Variants in SCHIP1 observed in about 807,000 individuals in gnomAD.
SCHIP1 encodes schwannomin interacting protein 1.
Under a neutral mutation model 29.7 loss-of-function variants are expected in SCHIP1, and 8 were observed. The observed-to-expected ratio is 0.27, with a 90% CI of 0.16 to 0.49. The LOEUF (loss-of-function observed/expected upper bound fraction) is 0.49. Ranked by LOEUF, SCHIP1 falls within the 20% of genes least tolerant of loss-of-function variation. SCHIP1 has a pLI of 0.99. For missense variants in SCHIP1, 193 were observed against 294.6 expected (o/e 0.66, Z 2.52); for synonymous variants, 76 against 94.9 (o/e 0.80, Z 1.16).
chr3:159,539,578 T>C, the SCHIP1 span, among the ~76,000 whole-genome samples: 18 of 135,340 alleles, frequency 1.3e-4, 3 homozygotes, highest in East Asian at 2.0e-3. Flanking sequence ...TTCACCACAA[T>C]GGCAGATCCT....
chr3:159,570,749 T>TC, the SCHIP1 span, among the ~76,000 whole-genome samples: 3 of 152,252 alleles, frequency 2.0e-5, no homozygotes, highest in Non-Finnish European at 2.9e-5. Flanking sequence ...ATGACCATTT[T>TC]CCCAACATTG....
chr3:159,276,832 C>T, the SCHIP1 span, among the ~76,000 whole-genome samples: 2 of 152,126 alleles, frequency 1.3e-5, no homozygotes, highest in African/African-American at 4.8e-5. Context: ...TTTTACTCTC[C>T]CCCATAAGTA....
the SCHIP1 span, among the ~76,000 whole-genome samples, chr3:159,610,428 T>C: frequency 6.6e-6 from 1 of 152,224 alleles, no homozygotes; most frequent in Non-Finnish European, 1.5e-5. Context: ...TATTTGGTTT[T>C]TTTCCAAGTC....
chr3:159,372,564 C>T, the SCHIP1 span, among the ~76,000 whole-genome samples: 2 of 151,734 alleles, frequency 1.3e-5, no homozygotes, highest in African/African-American at 4.8e-5. Context: ...AAACTTTGTA[C>T]ACTTTGAAAT....
the SCHIP1 span, among the ~76,000 whole-genome samples, chr3:159,628,790 A>G: frequency 6.6e-6 from 1 of 152,232 alleles, no homozygotes; most frequent in Non-Finnish European, 1.5e-5. Context: ...AATGACCTTT[A>G]TAGCATGGCC....
chr3:159,370,627 C>T, the SCHIP1 span, among the ~76,000 whole-genome samples: 1 of 152,144 alleles, frequency 6.6e-6, no homozygotes, highest in African/African-American at 2.4e-5. Context: ...AAAGATCCAA[C>T]CTCTTCAATG....
the SCHIP1 span, among the ~76,000 whole-genome samples, chr3:159,772,191 C>T: frequency 6.6e-6 from 1 of 152,188 alleles, no homozygotes; most frequent in African/African-American, 2.4e-5. Flanking sequence ...CGCTCTGTCG[C>T]CCAGGCTGCA....
chr3:159,437,380 T>C, the SCHIP1 span, among the ~76,000 whole-genome samples: 1 of 152,160 alleles, frequency 6.6e-6, no homozygotes, highest in African/African-American at 2.4e-5. Flanking sequence ...CTAGGATTTT[T>C]TTCTTGACTC....
the SCHIP1 span, among the ~76,000 whole-genome samples, chr3:159,834,261 A>G: frequency 6.6e-6 from 1 of 152,268 alleles, no homozygotes; most frequent in African/African-American, 2.4e-5. Context: ...ACATTAATCT[A>G]GATCTACAAA....
At chr3:159,669,650 C>A in the SCHIP1 span, among the ~76,000 whole-genome samples, 1 of 152,202 alleles carries the variant, frequency 6.6e-6, no homozygotes, top group Non-Finnish European at 1.5e-5. Flanking sequence ...AAGTTCTCTC[C>A]AACCCCTCAA....
the SCHIP1 span, among the ~76,000 whole-genome samples, chr3:159,339,357 C>T: frequency 6.6e-6 from 1 of 152,130 alleles, no homozygotes; most frequent in Admixed American, 6.5e-5. Flanking sequence ...AAAGAAACTC[C>T]TTGTTTTCAC....
the SCHIP1 span, among the ~76,000 whole-genome samples, chr3:159,357,777 G>A: frequency 6.6e-6 from 1 of 152,266 alleles, no homozygotes; most frequent in Non-Finnish European, 1.5e-5. Flanking sequence ...TGAAGCACCA[G>A]GTTCTATCCC....
chr3:159,425,572 G>A, the SCHIP1 span, among the ~76,000 whole-genome samples: 5 of 152,132 alleles, frequency 3.3e-5, no homozygotes, highest in African/African-American at 1.2e-4. Flanking sequence ...AAGAGACTTA[G>A]ACTCCCACAC....
the SCHIP1 span, among the ~76,000 whole-genome samples, chr3:159,422,729 C>G: frequency 6.6e-6 from 1 of 152,248 alleles, no homozygotes; most frequent in South Asian, 2.1e-4. Flanking sequence ...CTTCATTTTT[C>G]TTATATCTGT....
At chr3:159,746,875 G>A in the SCHIP1 span, among the ~76,000 whole-genome samples, 1 of 152,148 alleles carries the variant, frequency 6.6e-6, no homozygotes, top group Non-Finnish European at 1.5e-5. Flanking sequence ...AGCAACTTTT[G>A]ATTATACCTC....
At chr3:159,497,714 T>C in the SCHIP1 span, among the ~76,000 whole-genome samples, 2 of 150,674 alleles carry the variant, frequency 1.3e-5, no homozygotes, top group African/African-American at 4.9e-5. Flanking sequence ...AAGGAGGGAG[T>C]GAGGGAAGAA....
intron 1 of SCHIP1, among the ~76,000 whole-genome samples, chr3:159,858,247 C>T (rs1713622112): frequency 6.6e-6 from 1 of 152,156 alleles, no homozygotes; most frequent in Non-Finnish European, 1.5e-5. Flanking sequence ...CAGGTTCGTT[C>T]CCAGCTGTTT....
chr3:159,426,047 G>A, the SCHIP1 span, among the ~76,000 whole-genome samples: 17 of 152,200 alleles, frequency 1.1e-4, no homozygotes, highest in East Asian at 2.9e-3. Flanking sequence ...AAAGCAGTGT[G>A]TAGAGGGAAA....
At chr3:159,828,361 T>TTATATA in the SCHIP1 span, among the ~76,000 whole-genome samples, 13 of 101,490 alleles carry the variant, frequency 1.3e-4, no homozygotes, top group South Asian at 3.5e-3. Flanking sequence ...AGTGTAACCT[T>TTATATA]TATATATATA....
Sources: gnomAD v4.1 joint callset for allele counts (sites outside exome capture counted in the v4.1 genomes callset) on GRCh38, gnomAD v4.1.1 for gene constraint, MANE v1.5 for transcripts, NCBI Gene and HGNC (gene_info 2026-07-23, HGNC 2026-07-21) for gene names.